Variants in GRID2 observed in about 807,000 individuals in gnomAD.
The protein encoded by GRID2 is glutamate receptor ionotropic, delta-2.
Under a neutral mutation model 114.8 loss-of-function variants are expected in GRID2, and 33 were observed. The ratio of observed to expected loss-of-function variants is 0.29; its 90% CI spans 0.22 to 0.38. GRID2 has a LOEUF of 0.38. Among genes scored for constraint, GRID2 ranks in the 10% least tolerant of loss-of-function variants. The pLI is 1.00. For missense variants in GRID2, 1,184 were observed against 1,257.7 expected (o/e 0.94, Z 0.89); for synonymous variants, 505 against 449.9 (o/e 1.12, Z -1.55).
chr4:92,682,530 G>A (rs140191600), intron 2 of GRID2, among the ~76,000 whole-genome samples: 6 of 152,254 alleles, frequency 3.9e-5, no homozygotes, highest in African/African-American at 1.4e-4. Flanking sequence ...TTACACATGA[G>A]TATACCATTC....
At chr4:93,530,257 G>GT (rs1291225915) in intron 13 of GRID2, among the ~76,000 whole-genome samples, 1 of 152,106 alleles carries the variant, frequency 6.6e-6, no homozygotes, top group African/African-American at 2.4e-5. Context: ...TCAAAAGCCT[G>GT]TAAGTGTTCC....
At chr4:93,598,873 G>T (rs1429669163) in intron 13 of GRID2, among the ~76,000 whole-genome samples, 1 of 152,110 alleles carries the variant, frequency 6.6e-6, no homozygotes, top group African/African-American at 2.4e-5. Flanking sequence ...TATAAAATGT[G>T]CCTTCATATT....
At chr4:92,395,047 A>G (rs1481037904) in intron 1 of GRID2, among the ~76,000 whole-genome samples, 3 of 151,644 alleles carry the variant, frequency 2.0e-5, no homozygotes, top group Admixed American at 2.0e-4. Context: ...CATTAAAATT[A>G]CCAAGTAATT....
intron 2 of GRID2, among the ~76,000 whole-genome samples, chr4:92,887,661 G>A (rs1001075347): frequency 6.6e-6 from 1 of 152,220 alleles, no homozygotes; most frequent in Non-Finnish European, 1.5e-5. Flanking sequence ...TAGAGTAGAG[G>A]AAGCACAGTT....
At chr4:93,107,063 G>A (rs1048751396) in intron 3 of GRID2, among the ~76,000 whole-genome samples, 1 of 152,092 alleles carries the variant, frequency 6.6e-6, no homozygotes, top group Non-Finnish European at 1.5e-5. Flanking sequence ...ACTTTGGGAG[G>A]CCGAGGCAGG....
At chr4:93,454,356 A>G (rs1722990365) in intron 10 of GRID2, among the ~76,000 whole-genome samples, 1 of 152,088 alleles carries the variant, frequency 6.6e-6, no homozygotes, top group African/African-American at 2.4e-5. Context: ...CCTTCGGAAT[A>G]AGTAAAACAT....
At chr4:93,190,835 C>A (rs1361002602) in intron 4 of GRID2, among the ~76,000 whole-genome samples, 1 of 151,856 alleles carries the variant, frequency 6.6e-6, no homozygotes, top group Non-Finnish European at 1.5e-5. Context: ...ATTAGATTTG[C>A]AGATACCTTT....
At chr4:92,676,211 C>T (rs552316454) in intron 2 of GRID2, among the ~76,000 whole-genome samples, 4 of 103,034 alleles carry the variant, frequency 3.9e-5, no homozygotes, top group Non-Finnish European at 5.4e-5. Context: ...GACAGAGTCT[C>T]GCTCTGTCGC....
At chr4:92,827,100 A>G (rs896214993) in intron 2 of GRID2, among the ~76,000 whole-genome samples, 3 of 152,052 alleles carry the variant, frequency 2.0e-5, no homozygotes, top group African/African-American at 7.2e-5. Context: ...ATTTCAATTC[A>G]TGTTTCTTAA....
intron 8 of GRID2, among the ~76,000 whole-genome samples, chr4:93,354,834 T>A (rs1285321530): frequency 6.9e-6 from 1 of 145,860 alleles, no homozygotes; most frequent in Non-Finnish European, 1.5e-5. Flanking sequence ...ATATATATAA[T>A]ATATATAAAA....
chr4:92,522,854 AAAATC>A (rs1724856162), intron 1 of GRID2, among the ~76,000 whole-genome samples: 2 of 152,052 alleles, frequency 1.3e-5, no homozygotes, highest in African/African-American at 4.8e-5. Flanking sequence ...TGTTTACTAA[AAAATC>A]AAATAGAGAC....
chr4:93,033,287 A>G (rs1297849516), intron 2 of GRID2, among the ~76,000 whole-genome samples: 1 of 152,164 alleles, frequency 6.6e-6, no homozygotes, highest in Non-Finnish European at 1.5e-5. Context: ...ATTGAGAGCT[A>G]TTATACCCAT....
At chr4:93,067,754 C>T (rs549045362) in intron 2 of GRID2, among the ~76,000 whole-genome samples, 2 of 151,810 alleles carry the variant, frequency 1.3e-5, no homozygotes, top group African/African-American at 4.8e-5. Flanking sequence ...AGCAGGGACA[C>T]TGTGCCTGTA....
intron 2 of GRID2, among the ~76,000 whole-genome samples, chr4:92,860,352 A>G (rs1210541643): frequency 2.6e-5 from 4 of 152,152 alleles, no homozygotes; most frequent in African/African-American, 4.8e-5. Flanking sequence ...TGGTCTATGT[A>G]TAGAATTTTA....
intron 2 of GRID2, among the ~76,000 whole-genome samples, chr4:92,724,137 A>G (rs530056493): frequency 6.6e-6 from 1 of 152,298 alleles, no homozygotes; most frequent in African/African-American, 2.4e-5. Flanking sequence ...AAGTAGTCTT[A>G]CAAATCATGA....
rs1365013259 is a variant in GRID2 at position 92,899,184 on chromosome 4, TTATA to T, written c.245-185808_245-185805del. Among the ~76,000 whole-genome samples the T allele has an allele frequency of 3.3e-5, 5 of 152,144 alleles. No homozygotes were observed. In the South Asian group the frequency reaches 8.3e-4, roughly 25 times the overall value. On this transcript the variant is annotated intron_variant, in intron 2 of 15. Transcript: ENST00000282020. ...TTTAATAATAGGAGTAATTTATACT[TTATA>T]TAATCTATAAACATTATTCTTTTAT...
At chr4:92,702,193 A>C (rs1734706520) in intron 2 of GRID2, among the ~76,000 whole-genome samples, 1 of 152,124 alleles carries the variant, frequency 6.6e-6, no homozygotes. Context: ...CCACTTCATA[A>C]AGCGCCCTCG....
intron 2 of GRID2, among the ~76,000 whole-genome samples, chr4:92,731,196 G>A (rs954936255): frequency 3.3e-5 from 5 of 151,408 alleles, no homozygotes; most frequent in Admixed American, 6.6e-5. Flanking sequence ...ACTAAATAAT[G>A]TACTTAGACT....
intron 2 of GRID2, among the ~76,000 whole-genome samples, chr4:92,651,684 GGCTACA>G (rs751473367): frequency 3.3e-5 from 5 of 151,914 alleles, no homozygotes; most frequent in Non-Finnish European, 7.4e-5. Context: ...CCAAATCATT[GGCTACA>G]GCCCATGAAT....
Sources: gnomAD v4.1 joint callset for allele counts (sites outside exome capture counted in the v4.1 genomes callset) on GRCh38, gnomAD v4.1.1 for gene constraint, MANE v1.5 for transcripts, NCBI Gene and HGNC (gene_info 2026-07-23, HGNC 2026-07-21) for gene names.